RPAP2: variants seen among roughly 807,000 people sequenced by gnomAD.
RPAP2 encodes RNA polymerase II associated protein 2.
RPAP2 carries 52 observed loss-of-function variants against 73.1 expected under a neutral mutation model. The observed-to-expected ratio is 0.71, with a 90% confidence interval of 0.57 to 0.90. The LOEUF is 0.90. Among genes scored for constraint, RPAP2 ranks in the 40% least tolerant of loss-of-function variants. The pLI is 0.00. For synonymous variants in RPAP2, 225 were observed against 242.1 expected, an observed-to-expected ratio of 0.93 and a Z score of 0.65; for missense variants, 598 against 701.8, an observed-to-expected ratio of 0.85 and a Z score of 1.67.
At chr1:92,372,808 T>C (rs61141829) in intron 11 of RPAP2, among the ~76,000 whole-genome samples, 5,951 of 152,040 alleles carry the variant, frequency 0.039, 307 homozygotes, top group African/African-American at 0.12. Flanking sequence ...ATTAATACTT[T>C]GGAGGCTGAG....
At chr1:92,333,918 T>G (rs2101232535) in intron 9 of RPAP2, among the ~76,000 whole-genome samples, 1 of 152,384 alleles carries the variant, frequency 6.6e-6, no homozygotes, top group South Asian at 2.1e-4. Flanking sequence ...AACATGAGTT[T>G]TTGTTCAACT....
intron 7 of RPAP2, among the ~76,000 whole-genome samples, chr1:92,322,708 C>A (rs1292121962): frequency 1.3e-5 from 2 of 151,362 alleles, no homozygotes. Context: ...AACTCCATCT[C>A]TACTAAAAAA....
At chr1:92,300,313 T>C (rs1650729171) in intron 2 of RPAP2, 74 bp downstream of exon 2, 33 of 1,182,986 alleles carry the variant, frequency 2.8e-5, no homozygotes, top group Admixed American at 1.5e-4. Flanking sequence ...TTTAAAACAA[T>C]AATGGTTACC....
intron 3 of RPAP2, 148 bp downstream of exon 3, chr1:92,301,738 A>C: frequency 2.5e-6 from 1 of 405,288 alleles, no homozygotes; most frequent in Admixed American, 4.5e-5. Flanking sequence ...TGCATTTAAA[A>C]ATAAACAACT....
In RPAP2 at chr1:92,307,300, A is replaced by G. The variant is rs1571024251; in HGVS notation, c.488+24A>G. 17 of 1,435,742 alleles carry G rather than the reference A, an allele frequency of 1.2e-5. No individual in the cohort carries two copies. The East Asian group carries it at 3.9e-4, about 33-fold the overall frequency. The allele number at this position is 1,435,742 out of a possible 1,614,324, so 88.9% of individuals were successfully genotyped here. On this transcript the variant is annotated intron_variant, in intron 6 of 12. Coordinates refer to ENST00000610020, the MANE Select transcript of RPAP2 (RefSeq NM_024813.3). ...AGGTAATTTAAGTCATTGTGTATAT[A>G]CATTTGTTCATATATTCTAATAATT...
chr1:92,333,716 A>C (rs886643730), intron 9 of RPAP2, among the ~76,000 whole-genome samples: 10 of 152,170 alleles, frequency 6.6e-5, no homozygotes, highest in African/African-American at 2.4e-4. Context: ...GTGGGTTTAG[A>C]AGACCAAACT....
At chr1:92,370,322 A>G (rs1655095792) in intron 11 of RPAP2, among the ~76,000 whole-genome samples, 1 of 152,330 alleles carries the variant, frequency 6.6e-6, no homozygotes, top group East Asian at 1.9e-4. Context: ...TGAGTATAGG[A>G]AAGAACACCA....
intron 6 of RPAP2, among the ~76,000 whole-genome samples, chr1:92,319,923 G>C (rs145196094): frequency 6.6e-6 from 1 of 151,854 alleles, no homozygotes; most frequent in African/African-American, 2.4e-5. Context: ...ACTTGAACCC[G>C]GGAGGCAGAG....
intron 11 of RPAP2, among the ~76,000 whole-genome samples, chr1:92,379,573 G>A (rs12098095): frequency 0.1 from 15,433 of 152,224 alleles, 2,351 homozygotes; most frequent in African/African-American, 0.34. Context: ...AGAAAAAAGC[G>A]TATTGTTTCT....
chr1:92,336,423 T>A lies in RPAP2; in HGVS notation c.1615T>A (p.Phe539Ile). The stretch of plus-strand genomic sequence containing the variant: ...ACAACTTAAAAATCTTGTTCGAACT[T>A]TCAGGTTAGTGTTTATATTACAATT... ...YTQLKNLVRT[F>I]RLTNRNIIHK... is the part of the protein sequence containing the mutation. Residue 539 changes from phenylalanine to isoleucine, a missense_variant, in exon 10 of 13, where the codon TTC (phenylalanine) becomes ATC (isoleucine). By Grantham distance (21) the Phe-to-Ile change is conservative (BLOSUM62 0). This residue lies in a region of RPAP2 where 506 missense variants were observed against 612.8 expected (regional missense o/e 0.83). Coordinates refer to ENST00000610020, the MANE Select transcript of RPAP2 (RefSeq NM_024813.3). 1 of 1,581,488 alleles carries A rather than the reference T, an allele frequency of 6.3e-7. No homozygotes were observed. The highest frequency in any genetic ancestry group is 8.7e-7 in the Non-Finnish European group (1 of 1,151,188).
chr1:92,348,175 C>G (rs1351404069), intron 11 of RPAP2, among the ~76,000 whole-genome samples: 1 of 152,184 alleles, frequency 6.6e-6, no homozygotes, highest in Non-Finnish European at 1.5e-5. Context: ...AGGCATGAGC[C>G]ACTGCATCCG....
In RPAP2 at chr1:92,387,074, C is replaced by T; in HGVS notation, c.*63C>T. ...TTCACCGTTTCTGGAATTCTAGCCG[C>T]CATGATGGTCTGGTGGTGACTGATA... On this transcript the variant is annotated 3_prime_UTR_variant, in exon 13 of 13. Transcript: ENST00000610020. The T allele has an allele frequency of 6.6e-7, 1 of 1,524,188 alleles. No individual in the cohort carries two copies. The highest frequency in any genetic ancestry group is 9.0e-7 in the Non-Finnish European group (1 of 1,113,244). 94.4% of individuals were successfully genotyped at this position (1,524,188 alleles called of 1,614,324 possible).
chr1:92,369,671 G>T (rs535976342), intron 11 of RPAP2, among the ~76,000 whole-genome samples: 279 of 152,200 alleles, frequency 1.8e-3, no homozygotes, highest in African/African-American at 6.3e-3. Context: ...CCCTTTCATT[G>T]TGTATTGGGG....
chr1:92,380,046 G>C (rs2101445629), intron 11 of RPAP2, among the ~76,000 whole-genome samples: 1 of 150,838 alleles, frequency 6.6e-6, no homozygotes, highest in African/African-American at 2.4e-5. Context: ...GATCGCCTGA[G>C]GCTGGTGGAT....
rs71091273 is a variant in RPAP2, at chr1:92,305,432, C to CAAAAAAAAAAAAAAA, written c.399+1088_399+1102dup. ...GGGGCAACAGAGTGAGGCTCCGTCTCAAAAAAAAAAAAAAAAAAAGACAAT... is the reference window on the plus strand; with the variant it reads ...GGGGCAACAGAGTGAGGCTCCGTCTCAAAAAAAAAAAAAAAAAAAAAAAAAAAAAAAAAAGACAAT... On this transcript the variant is annotated intron_variant, in intron 5 of 12. Coordinates refer to ENST00000610020, the MANE Select transcript of RPAP2 (RefSeq NM_024813.3). Among the ~76,000 whole-genome samples the CAAAAAAAAAAAAAAA allele has an allele frequency of 9.4e-3, 496 of 52,620 alleles. 33 individuals are homozygous for CAAAAAAAAAAAAAAA. Among genetic ancestry groups the CAAAAAAAAAAAAAAA allele is most frequent in the African/African-American group, 0.033 (247 of 7,496 alleles). The allele number at this position is 52,620 out of a possible 152,430, so 34.5% of individuals were successfully genotyped here. A position where few individuals can be genotyped will look rare whatever the true frequency, so the allele number is the denominator to read the frequency against.
At position 92,341,780 on chromosome 1, in the gene RPAP2, G is replaced by A. The variant is rs113477640; in HGVS notation, c.1620-4066G>A. 7.8e-3 allele frequency among the ~76,000 whole-genome samples: 1,186 copies of A among 152,206 alleles called. 6 individuals are homozygous for A. Among genetic ancestry groups the A allele is most frequent in the African/African-American group, 0.027 (1,137 of 41,534 alleles). The stretch of plus-strand genomic sequence containing the variant: ...CTGCCTCAGGCTCCCAAGTAGCTGG[G>A]ATTACAGGCATGCGCCACCACACCC... On this transcript the variant is annotated intron_variant, in intron 10 of 12. Coordinates refer to ENST00000610020, the MANE Select transcript of RPAP2 (RefSeq NM_024813.3).
intron 8 of RPAP2, 55 bp downstream of exon 8, chr1:92,324,430 C>A: frequency 1.6e-6 from 2 of 1,282,940 alleles, no homozygotes; most frequent in Non-Finnish European, 2.2e-6. Context: ...GAAAACTCAC[C>A]ACAGCAAATC....
At chr1:92,351,075 G>A (rs115955795) in intron 11 of RPAP2, among the ~76,000 whole-genome samples, 753 of 152,112 alleles carry the variant, frequency 5.0e-3, no homozygotes, top group African/African-American at 0.017. Flanking sequence ...TTGGGAAGCC[G>A]AGACAGGTGG....
chr1:92,311,031 A>G (rs1651564754), intron 6 of RPAP2, among the ~76,000 whole-genome samples: 1 of 152,216 alleles, frequency 6.6e-6, no homozygotes, highest in Admixed American at 6.5e-5. Flanking sequence ...CTGTGAAACA[A>G]TATTATTCTT....
Sources: allele counts gnomAD v4.1 joint callset (sites outside exome capture counted in the v4.1 genomes callset), GRCh38; gene constraint gnomAD v4.1.1; regional missense constraint gnomAD v4.1.1; transcripts MANE v1.5; gene names NCBI Gene and HGNC (gene_info 2026-07-23, HGNC 2026-07-21).